Variants in SPEG observed in about 807,000 individuals in gnomAD.
SPEG encodes striated muscle preferentially expressed protein kinase.
SPEG carries 114 observed loss-of-function variants against 300.4 expected under a neutral mutation model. That is an observed-to-expected ratio of 0.38 (90% CI 0.33 to 0.44). The LOEUF (loss-of-function observed/expected upper bound fraction) is 0.44, where lower values mean the gene tolerates loss of function less well. SPEG is among the 20% of genes least tolerant of loss of function. The pLI is 1.00. For missense variants in SPEG, 4,201 were observed against 4,586.2 expected (o/e 0.92, Z 2.43); for synonymous variants, 1,964 against 2,018.9 (o/e 0.97, Z 0.73).
chr2:219,444,737 C>A lies in SPEG; in HGVS notation c.473C>A (p.Pro158His), dbSNP rs757207967. 1 of 1,613,946 alleles carries A rather than the reference C, an allele frequency of 6.2e-7. No individual in the cohort carries two copies. Among genetic ancestry groups the A allele is most frequent in the Admixed American group, 1.7e-5 (1 of 60,006 alleles). Residue 158 changes from proline (P) to histidine (H), a missense_variant, in exon 2 of 41, where the codon CCC becomes CAC. This residue lies in a region of SPEG where 1,258 missense variants were observed against 1,293.9 expected (regional missense o/e 0.97). Transcript: ENST00000312358. The surrounding 1 kb of genome is among the most constrained non-coding windows in gnomAD (Gnocchi z 7.8). Reference protein sequence around the residue: ...ELRDDGAFSTPTGGSDTLVGT... With the variant: ...ELRDDGAFSTHTGGSDTLVGT... The stretch of plus-strand genomic sequence containing the variant: ...CGGGATGACGGGGCCTTCAGCACCC[C>A]CACGGGTGAGCTCCTGGGGTGTACA...
Position 219,448,476 on chromosome 2 carries a change from A to G in SPEG, c.1318A>G (p.Lys440Glu). The change falls in exon 4 of 41, where the codon AAG becomes GAG. Residue 440 changes from lysine to glutamate, a missense_variant. Physicochemically the swap from Lys to Glu is moderately conservative, Grantham distance 56. Transcript: ENST00000312358. ...CAAGGCCCGCTCTCTGGAGCAGCCCAAGTCGGAGCGCGGCGCACCGTGGGG... is the reference window on the plus strand; with the variant it reads ...CAAGGCCCGCTCTCTGGAGCAGCCCGAGTCGGAGCGCGGCGCACCGTGGGG... ...LRKARSLEQPKSERGAPWGTP... is the reference protein window; with the variant it reads ...LRKARSLEQPESERGAPWGTP... The G allele has an allele frequency of 6.8e-7, 1 of 1,476,008 alleles. No homozygotes were observed. The highest frequency in any genetic ancestry group is 8.9e-7 in the Non-Finnish European group (1 of 1,122,658). 91.4% of individuals were successfully genotyped at this position (1,476,008 alleles called of 1,614,324 possible). A position where few individuals can be genotyped will look rare whatever the true frequency, so the allele number is the denominator to read the frequency against.
rs1447912238 is a variant in SPEG at position 219,489,100 on chromosome 2, C to T, written c.8196C>T (p.Tyr2732=). 1.2e-6 allele frequency: 2 copies of T among 1,614,002 alleles called. No individual in the cohort carries two copies. The highest frequency in any genetic ancestry group is 1.7e-6 in the Non-Finnish European group (2 of 1,179,966). The part of the protein sequence containing the change: ...HPVSSGIPDC[Y]YNVTHLPVGV... Reference sequence around the variant, plus strand: ...TGAGCTCAGGCATCCCCGACTGTTACTACAACGTGACCCACCTGCCAGTTG... The same window carrying T: ...TGAGCTCAGGCATCCCCGACTGTTATTACAACGTGACCCACCTGCCAGTTG... The change falls in exon 35 of 41, where the codon TAC becomes TAT. Residue 2732 remains tyrosine, a synonymous_variant. Coordinates refer to ENST00000312358, the MANE Select transcript of SPEG (RefSeq NM_005876.5).
chr2:219,436,327 C>T (rs1954718558), intron 1 of SPEG, among the ~76,000 whole-genome samples: 1 of 152,150 alleles, frequency 6.6e-6, no homozygotes, highest in African/African-American at 2.4e-5. Context: ...TTGGGGGCTT[C>T]CTTTTTGATT....
At chr2:219,441,539 G>C (rs752640560) in intron 1 of SPEG, 4 of 470,784 alleles carry the variant, frequency 8.5e-6, no homozygotes, top group South Asian at 6.2e-5. Context: ...GCGCATGTTT[G>C]TGGAATGAGC....
Position 219,462,065 on chromosome 2 carries a change from C to T in SPEG, c.2616+8C>T, listed in dbSNP as rs754043414. 6.3e-7 allele frequency: 1 copy of T among 1,592,544 alleles called. No homozygotes were observed. Among genetic ancestry groups the T allele is most frequent in the Non-Finnish European group, 8.5e-7 (1 of 1,172,212 alleles). ...GCACCCCCCACCTTCAAGGTCAGAC[C>T]CCTGAGGCTGGGGCCTAGCCTCCTG... On this transcript the variant is annotated splice_region_variant and intron_variant, in intron 7 of 40. Transcript: ENST00000312358.
intron 12 of SPEG, 35 bp downstream of exon 12, chr2:219,469,083 C>T (rs747428175): frequency 1.4e-5 from 23 of 1,608,468 alleles, no homozygotes; most frequent in Non-Finnish European, 1.9e-5. Flanking sequence ...CTGGGGCTGC[C>T]TGTGAGGGGC....
At chr2:219,485,303 T>G (rs992989413) in intron 30 of SPEG, 43 bp from the exon 31 acceptor site, 2 of 1,580,672 alleles carry the variant, frequency 1.3e-6, no homozygotes, top group African/African-American at 2.7e-5. Flanking sequence ...GGGAACTTGC[T>G]GGTACTGACT....
chr2:219,489,855 C>T lies in SPEG; in HGVS notation c.8837C>T (p.Pro2946Leu), dbSNP rs1277035556. The stretch of plus-strand genomic sequence containing the variant: ...GTGGTCAGCTCCCCTGGGAGCAGTC[C>T]CCGAAGCTCTCCCAGGCCTGAGGGT... ...KEVVSSPGSS[P>L]RSSPRPEGTT... Residue 2946 changes from proline (P) to leucine (L), a missense_variant, in exon 36 of 41, where the codon CCC (proline) becomes CTC (leucine). By Grantham distance (98) the Pro-to-Leu change is moderately conservative (BLOSUM62 -3). This residue lies in a region of SPEG where 1,578 missense variants were observed against 1,506.0 expected (regional missense o/e 1.05). Coordinates refer to ENST00000312358, the MANE Select transcript of SPEG (RefSeq NM_005876.5). The T allele has an allele frequency of 6.2e-7, 1 of 1,612,278 alleles. No homozygotes were observed. The highest frequency in any genetic ancestry group is 8.5e-7 in the Non-Finnish European group (1 of 1,178,926).
In SPEG at chr2:219,444,747, G is replaced by C. The variant is rs755115628; in HGVS notation, c.478+5G>C. ...GGGCCTTCAGCACCCCCACGGGTGA[G>C]CTCCTGGGGTGTACAAAGAGCAGGC... On this transcript the variant is annotated splice_donor_5th_base_variant and intron_variant, in intron 2 of 40. Transcript: ENST00000312358. The surrounding 1 kb of genome is among the most constrained non-coding windows in gnomAD (Gnocchi z 7.8). The C allele has an allele frequency of 4.3e-6, 7 of 1,613,808 alleles. No individual in the cohort carries two copies. In the Admixed American group the frequency reaches 1.0e-4, roughly 23 times the overall value.
chr2:219,456,339 C>G (rs532043681), intron 6 of SPEG, among the ~76,000 whole-genome samples: 2 of 152,240 alleles, frequency 1.3e-5, no homozygotes, highest in Non-Finnish European at 2.9e-5. Flanking sequence ...CAGTGGCTGC[C>G]GTTGGGGAGG....
Position 219,443,279 on chromosome 2 carries a change from C to G in SPEG, c.389-1374C>G, listed in dbSNP as rs1689060855. On this transcript the variant is annotated intron_variant, in intron 1 of 40. Transcript: ENST00000312358. This position sits in a 1 kb window ranked among gnomAD's most constrained non-coding sequence, Gnocchi z 4.6. The stretch of plus-strand genomic sequence containing the variant: ...TGGAACCCTCCCACTCACCCCCACA[C>G]TTATCTACCACCCACCCGACCAGGC... 1.0e-6 allele frequency: 1 copy of G among 958,590 alleles called. No individual in the cohort carries two copies. Among genetic ancestry groups the G allele is most frequent in the African/African-American group, 1.6e-5 (1 of 62,200 alleles). The allele number at this position is 958,590 out of a possible 1,614,324, so 59.4% of individuals were successfully genotyped here.
At chr2:219,441,657 C>G in intron 1 of SPEG, 1 of 456,096 alleles carries the variant, frequency 2.2e-6, no homozygotes, top group Non-Finnish European at 4.5e-6. Context: ...GGCCATTGCA[C>G]CCCTTTCTGT....
chr2:219,451,268 C>T lies in SPEG; in HGVS notation c.2246C>T (p.Pro749Leu), dbSNP rs1380971139. The change falls in exon 5 of 41, where the codon CCC becomes CTC. Residue 749 changes from proline to leucine, a missense_variant. By Grantham distance (98) the Pro-to-Leu change is moderately conservative. Coordinates refer to ENST00000312358, the MANE Select transcript of SPEG (RefSeq NM_005876.5). The surrounding 1 kb of genome is among the most constrained non-coding windows in gnomAD (Gnocchi z 6.4). ...CTCAAGTGTATCATCACTGCCAACCCCCCGCCCCAAGGTGAGCTCCAGCAC... is the reference window on the plus strand; with the variant it reads ...CTCAAGTGTATCATCACTGCCAACCTCCCGCCCCAAGGTGAGCTCCAGCAC... ...VLLKCIITAN[P>L]PPQVSWHKDG... 1 of 1,609,168 alleles carries T rather than the reference C, an allele frequency of 6.2e-7. No individual in the cohort carries two copies. Among genetic ancestry groups the T allele is most frequent in the South Asian group, 1.1e-5 (1 of 90,386 alleles).
intron 29 of SPEG, 21 bp from the exon 30 acceptor site, chr2:219,483,077 A>T: frequency 6.3e-7 from 1 of 1,595,042 alleles, no homozygotes; most frequent in South Asian, 1.1e-5. Flanking sequence ...CTCAGGTCTG[A>T]CTCCAGTACC....
chr2:219,472,459 G>T, intron 15 of SPEG, 128 bp downstream of exon 15: 1 of 804,326 alleles, frequency 1.2e-6, no homozygotes, highest in Non-Finnish European at 2.0e-6. Context: ...AATGCTGGTG[G>T]GACCAGCTTT....
chr2:219,484,858 C>G lies in SPEG; in HGVS notation c.7395C>G (p.Ser2465=). Residue 2465 remains serine (S), a synonymous_variant, in exon 30 of 41, where the codon TCC becomes TCG. Transcript: ENST00000312358. Reference sequence around the variant, plus strand: ...TGAGCTTCACCCTGGAGCGGCTGTCCAGCCGATTGCAGCGCAGTGGCAGCA... The same window carrying G: ...TGAGCTTCACCCTGGAGCGGCTGTCGAGCCGATTGCAGCGCAGTGGCAGCA... The part of the protein sequence containing the change: ...RRLSFTLERL[S]SRLQRSGSSE... 1.3e-6 allele frequency: 2 copies of G among 1,522,422 alleles called. No individual in the cohort carries two copies. The highest frequency in any genetic ancestry group is 1.8e-6 in the Non-Finnish European group (2 of 1,142,648). The allele number at this position is 1,522,422 out of a possible 1,614,324, so 94.3% of individuals were successfully genotyped here.
chr2:219,452,247 C>T (rs992983070), intron 6 of SPEG, among the ~76,000 whole-genome samples: 2 of 152,150 alleles, frequency 1.3e-5, no homozygotes, highest in Admixed American at 1.3e-4. Context: ...AAAAGAGATG[C>T]TTTCGAGTGC....
In SPEG at chr2:219,459,028, C is replaced by T. The variant is rs955049611; in HGVS notation, c.2441-2854C>T. Among the ~76,000 whole-genome samples, 4 of 152,140 alleles carry T rather than the reference C, an allele frequency of 2.6e-5. No homozygotes were observed. The highest frequency in any genetic ancestry group is 6.5e-5 in the Admixed American group (1 of 15,274). On this transcript the variant is annotated intron_variant, in intron 6 of 40. Coordinates refer to ENST00000312358, the MANE Select transcript of SPEG (RefSeq NM_005876.5). This position sits in a 1 kb window ranked among gnomAD's most constrained non-coding sequence, Gnocchi z 4.9. The stretch of plus-strand genomic sequence containing the variant: ...CAGGGGACGCTGAAACAGTTGGGGT[C>T]GGTGGATGTGCTGGTCTGAGGAGAG...
intron 8 of SPEG, among the ~76,000 whole-genome samples, chr2:219,463,951 G>A (rs1352707403): frequency 2.6e-5 from 4 of 151,952 alleles, no homozygotes; most frequent in Admixed American, 1.3e-4. Context: ...GTGAAACCCT[G>A]TATCTACAAA....
Sources: gnomAD v4.1 joint callset for allele counts (sites outside exome capture counted in the v4.1 genomes callset) on GRCh38, gnomAD v4.1.1 for gene constraint, gnomAD v4.1.1 regional missense constraint, Gnocchi (gnomAD v3.1) non-coding constraint, MANE v1.5 for transcripts, NCBI Gene and HGNC (gene_info 2026-07-23, HGNC 2026-07-21) for gene names.